Variants in PTK2B observed in about 807,000 individuals in gnomAD.
The protein encoded by PTK2B is protein-tyrosine kinase 2-beta.
Under a neutral mutation model 142.9 loss-of-function variants are expected in PTK2B, and 71 were observed. The ratio of observed to expected loss-of-function variants is 0.50; its 90% CI spans 0.41 to 0.61. PTK2B has a LOEUF of 0.61. Ranked by LOEUF, PTK2B falls within the 20% of genes least tolerant of loss-of-function variation. The pLI is 0.00. For synonymous variants in PTK2B, 519 were observed against 503.4 expected, an observed-to-expected ratio of 1.03 and a Z score of -0.42; for missense variants, 1,105 against 1,320.4, an observed-to-expected ratio of 0.84 and a Z score of 2.53.
intron 1 of PTK2B, among the ~76,000 whole-genome samples, chr8:27,342,237 T>C (rs1213492384): frequency 6.6e-6 from 1 of 152,230 alleles, no homozygotes; most frequent in South Asian, 2.1e-4. Flanking sequence ...CTGTCTGCTG[T>C]TGTGCCCAGG....
At chr8:27,426,985 C>T (rs1810123169) in intron 5 of PTK2B, among the ~76,000 whole-genome samples, 2 of 152,176 alleles carry the variant, frequency 1.3e-5, no homozygotes, top group South Asian at 4.1e-4. Context: ...TCTCGAAGTT[C>T]ATTTATTCAT....
At position 27,458,868 on chromosome 8, in the gene PTK2B, T is replaced by G; in HGVS notation, c.*359T>G. On this transcript the variant is annotated 3_prime_UTR_variant, in exon 31 of 31. Transcript: ENST00000346049. ...TTATATATGGACATGGCAGGCCGAT[T>G]TGGGAACCAAGCTATTCCTTTCCCT... is the stretch of plus-strand genomic sequence containing the variant. 2 of 388,684 alleles carry G rather than the reference T, an allele frequency of 5.1e-6. No individual in the cohort carries two copies. Among genetic ancestry groups the G allele is most frequent in the Non-Finnish European group, 9.5e-6 (2 of 210,626 alleles). The allele number at this position is 388,684 out of a possible 1,614,324, so 24.1% of individuals were successfully genotyped here. A position where few individuals can be genotyped will look rare whatever the true frequency, so the allele number is the denominator to read the frequency against.
At chr8:27,313,845 T>A (rs1246152510) in intron 3 of PTK2B, among the ~76,000 whole-genome samples, 1 of 152,244 alleles carries the variant, frequency 6.6e-6, no homozygotes, top group East Asian at 1.9e-4. Flanking sequence ...TGGCACCTGC[T>A]TTAATATCAA....
At chr8:27,454,343 A>G in intron 29 of PTK2B, 52 bp downstream of exon 29, 1 of 1,594,126 alleles carries the variant, frequency 6.3e-7, no homozygotes, top group Non-Finnish European at 8.5e-7. Context: ...TCCGCCCTGG[A>G]AGGAAAGGGG....
chr8:27,451,728 A>C, intron 27 of PTK2B: 1 of 1,409,898 alleles, frequency 7.1e-7, no homozygotes, highest in Non-Finnish European at 9.2e-7. Flanking sequence ...TCTCTCTCTC[A>C]GTGGCCACAT....
chr8:27,352,236 A>C (rs989176845), intron 1 of PTK2B, among the ~76,000 whole-genome samples: 2 of 152,138 alleles, frequency 1.3e-5, no homozygotes, highest in African/African-American at 4.8e-5. Flanking sequence ...ACTTTTTCTA[A>C]AGCAGTGCTG....
chr8:27,366,190 A>C (rs1180595271), intron 1 of PTK2B, among the ~76,000 whole-genome samples: 2 of 152,216 alleles, frequency 1.3e-5, no homozygotes, highest in African/African-American at 4.8e-5. Flanking sequence ...AAGTCACTAG[A>C]AAATCTCACT....
At chr8:27,348,819 C>T (rs1484641440) in intron 1 of PTK2B, among the ~76,000 whole-genome samples, 1 of 152,036 alleles carries the variant, frequency 6.6e-6, no homozygotes, top group African/African-American at 2.4e-5. Context: ...TTGCAGAATC[C>T]TCTCTACTCC....
intron 10 of PTK2B, 105 bp downstream of exon 10, chr8:27,432,466 G>GA: frequency 3.9e-6 from 4 of 1,018,362 alleles, no homozygotes; most frequent in Non-Finnish European, 5.7e-6. Context: ...AGGAAGCCAG[G>GA]AGCTTCCTGG....
chr8:27,340,589 G>C (rs1804339218), intron 1 of PTK2B, among the ~76,000 whole-genome samples: 2 of 152,262 alleles, frequency 1.3e-5, no homozygotes, highest in South Asian at 4.1e-4. Context: ...ATAGGCAGTT[G>C]CAAGAATTTT....
intron 1 of PTK2B, among the ~76,000 whole-genome samples, chr8:27,383,934 C>T (rs1002268613): frequency 1.3e-5 from 2 of 150,092 alleles, no homozygotes; most frequent in African/African-American, 2.5e-5. Flanking sequence ...CCACAACCTT[C>T]GCCTCCCAGG....
At chr8:27,405,334 T>C (rs1051110221) in intron 2 of PTK2B, among the ~76,000 whole-genome samples, 1 of 152,122 alleles carries the variant, frequency 6.6e-6, no homozygotes, top group Non-Finnish European at 1.5e-5. Context: ...TGGAACAATC[T>C]CTGTCACCCT....
At chr8:27,345,319 G>A (rs1463653120) in intron 1 of PTK2B, among the ~76,000 whole-genome samples, 1 of 152,214 alleles carries the variant, frequency 6.6e-6, no homozygotes, top group African/African-American at 2.4e-5. Context: ...CAATGATTTA[G>A]TGAGCACATG....
intron 1 of PTK2B, among the ~76,000 whole-genome samples, chr8:27,371,023 G>A (rs1454283499): frequency 6.6e-6 from 1 of 152,024 alleles, no homozygotes; most frequent in Non-Finnish European, 1.5e-5. Flanking sequence ...AGCCTCCCAA[G>A]AAGATGGGGC....
chr8:27,396,785 T>C (rs1808074644), intron 1 of PTK2B, among the ~76,000 whole-genome samples: 1 of 152,238 alleles, frequency 6.6e-6, no homozygotes, highest in South Asian at 2.1e-4. Flanking sequence ...TCTTATCATC[T>C]ACATCTGTGT....
intron 1 of PTK2B, 28 bp from the exon 2 acceptor site, chr8:27,397,520 C>A: frequency 6.4e-7 from 1 of 1,570,056 alleles, no homozygotes. Flanking sequence ...GGGGCTCTTT[C>A]AGGGCTGACC....
intron 1 of PTK2B, among the ~76,000 whole-genome samples, chr8:27,351,749 A>G (rs1160986160): frequency 6.6e-6 from 1 of 152,252 alleles, no homozygotes; most frequent in Non-Finnish European, 1.5e-5. Flanking sequence ...ATGGGGAAAC[A>G]TTACACCTAA....
chr8:27,361,514 G>A (rs1282587793), intron 1 of PTK2B, among the ~76,000 whole-genome samples: 4 of 152,132 alleles, frequency 2.6e-5, no homozygotes, highest in East Asian at 1.9e-4. Context: ...ATGAGCCACC[G>A]CAGCCGGCCT....
At chr8:27,316,319 A>T (rs551754751) in intron 3 of PTK2B, among the ~76,000 whole-genome samples, 1 of 152,114 alleles carries the variant, frequency 6.6e-6, no homozygotes, top group Admixed American at 6.5e-5. Flanking sequence ...GAAACAGTGA[A>T]CTAGAAAGTG....
Sources: gnomAD v4.1 joint callset for allele counts (sites outside exome capture counted in the v4.1 genomes callset) on GRCh38, gnomAD v4.1.1 for gene constraint, MANE v1.5 for transcripts, NCBI Gene and HGNC (gene_info 2026-07-23, HGNC 2026-07-21) for gene names.